The following CDK5RAP2 variants were observed in gnomAD, a reference collection of about 807,000 sequenced individuals.
CDK5RAP2 encodes CDK5 regulatory subunit-associated protein 2.
In CDK5RAP2, 147 loss-of-function variants were observed where a neutral mutation model predicts 232.9. The observed-to-expected ratio is 0.63, with a 90% confidence interval of 0.55 to 0.72. The LOEUF is 0.72. CDK5RAP2 is among the 30% of genes least tolerant of loss of function. The pLI, the probability that CDK5RAP2 is intolerant of heterozygous loss-of-function variation, is 0.00. For missense variants in CDK5RAP2, 2,195 were observed against 2,231.5 expected, an observed-to-expected ratio of 0.98 and a Z score of 0.33; for synonymous variants, 833 against 833.7, an observed-to-expected ratio of 1.00 and a Z score of 0.01.
At chr9:120,521,629 A>ATTAAACCTCTTTTTCTTTTT (rs2040659865) in intron 11 of CDK5RAP2, among the ~76,000 whole-genome samples, 1 of 148,786 alleles carries the variant, frequency 6.7e-6, no homozygotes, top group Non-Finnish European at 1.5e-5. Context: ...TTGTGAGTCC[A>ATTAAACCTCTTTTTCTTTTT]TTAAACCTCT....
chr9:120,504,667 C>T (rs745893147), intron 12 of CDK5RAP2, among the ~76,000 whole-genome samples: 2 of 152,222 alleles, frequency 1.3e-5, no homozygotes, highest in Non-Finnish European at 2.9e-5. Context: ...TCCAAGTTAA[C>T]TGCAGAATGA....
chr9:120,571,858 G>A (rs2042866522), intron 2 of CDK5RAP2, 116 bp downstream of exon 2: 4 of 784,198 alleles, frequency 5.1e-6, no homozygotes, highest in African/African-American at 3.4e-5. Context: ...CACCTACGGT[G>A]TGCCAGTTCA....
intron 12 of CDK5RAP2, among the ~76,000 whole-genome samples, chr9:120,515,824 A>ACC (rs1488579749): frequency 6.6e-6 from 1 of 152,204 alleles, no homozygotes; most frequent in Admixed American, 6.5e-5. Flanking sequence ...ATGAGATACC[A>ACC]CCTCACACCA....
intron 3 of CDK5RAP2, among the ~76,000 whole-genome samples, chr9:120,561,358 G>T (rs12235762): frequency 0.11 from 17,359 of 151,994 alleles, 1,347 homozygotes; most frequent in East Asian, 0.29. Context: ...GTGCAGTGGC[G>T]CATTCATGGC....
In CDK5RAP2 at chr9:120,524,935, A is replaced by C. The variant is rs754376586; in HGVS notation, c.1092+51T>G. On this transcript the variant is annotated intron_variant, in intron 11 of 37. Coordinates refer to ENST00000349780, the MANE Select transcript of CDK5RAP2 (RefSeq NM_018249.6). ...CTTTCAGCTGCAAAGTCCTCACCTC[A>C]CCAGGGGTCAGGATCAAAGAGACAG... is the stretch of plus-strand genomic sequence containing the variant. 3.8e-6 allele frequency: 5 copies of C among 1,322,648 alleles called. No homozygotes were observed. The African/African-American group carries it at 7.2e-5, about 19-fold the overall frequency. The allele number at this position is 1,322,648 out of a possible 1,614,324, so 81.9% of individuals were successfully genotyped here.
chr9:120,579,812 C>T, intron 1 of CDK5RAP2, 108 bp downstream of exon 1: 2 of 873,076 alleles, frequency 2.3e-6, no homozygotes, highest in Non-Finnish European at 3.8e-6. Context: ...CCACACACTG[C>T]CCCTGGCCAG....
At chr9:120,441,513 G>C (rs1403932240) in intron 23 of CDK5RAP2, among the ~76,000 whole-genome samples, 1 of 152,210 alleles carries the variant, frequency 6.6e-6, no homozygotes, top group East Asian at 1.9e-4. Flanking sequence ...AAGATAGAAG[G>C]AGATGCCCTT....
intron 7 of CDK5RAP2, among the ~76,000 whole-genome samples, chr9:120,531,519 C>G (rs1022677088): frequency 6.6e-6 from 1 of 152,126 alleles, no homozygotes. Flanking sequence ...ATAGGGGTGA[C>G]TTGTGATTGT....
intron 19 of CDK5RAP2, 92 bp downstream of exon 19, chr9:120,460,480 C>T: frequency 1.7e-6 from 2 of 1,193,034 alleles, no homozygotes; most frequent in Non-Finnish European, 2.5e-6. Flanking sequence ...GCAGAATGAA[C>T]AGAAAACCCA....
At chr9:120,559,786 T>C (rs1420134624) in intron 3 of CDK5RAP2, among the ~76,000 whole-genome samples, 4 of 152,162 alleles carry the variant, frequency 2.6e-5, no homozygotes, top group Non-Finnish European at 4.4e-5. Context: ...CATCTCAACA[T>C]GACTACAGGG....
chr9:120,542,546 C>T (rs923667954), intron 5 of CDK5RAP2, among the ~76,000 whole-genome samples: 1 of 150,736 alleles, frequency 6.6e-6, no homozygotes, highest in East Asian at 1.9e-4. Flanking sequence ...ATGGTAGATA[C>T]TGTCATTGAA....
intron 12 of CDK5RAP2, among the ~76,000 whole-genome samples, chr9:120,506,779 G>A (rs973106626): frequency 2.0e-5 from 3 of 152,112 alleles, no homozygotes; most frequent in East Asian, 1.9e-4. Flanking sequence ...GAACAGATAC[G>A]GAATTACTTC....
chr9:120,436,649 G>A lies in CDK5RAP2; in HGVS notation c.3955+646C>T, dbSNP rs575247074. Among the ~76,000 whole-genome samples, 15 of 152,240 alleles carry A rather than the reference G, an allele frequency of 9.9e-5. No homozygotes were observed. In the East Asian group the frequency reaches 2.9e-3, roughly 29 times the overall value. The stretch of plus-strand genomic sequence containing the variant: ...CATCAATCCACTCTCATAGAGCTCA[G>A]AAAGATAATAATAGAGCGCGTGTGT... On this transcript the variant is annotated intron_variant, in intron 25 of 37. Coordinates refer to ENST00000349780, the MANE Select transcript of CDK5RAP2 (RefSeq NM_018249.6).
chr9:120,528,873 C>T (rs1055327946), intron 8 of CDK5RAP2, 76 bp from the exon 9 acceptor site: 19 of 1,031,190 alleles, frequency 1.8e-5, no homozygotes, highest in Non-Finnish European at 2.1e-5. Flanking sequence ...AGAATGAGCA[C>T]GTCCTTGTCG....
chr9:120,518,605 G>A lies in CDK5RAP2; in HGVS notation c.1133C>T (p.Ala378Val). 6.2e-7 allele frequency: 1 copy of A among 1,613,676 alleles called. No individual in the cohort carries two copies. The change falls in exon 12 of 38, where the codon GCC becomes GTC. Residue 378 changes from alanine to valine, a missense_variant. Ala to Val is a moderately conservative substitution (Grantham distance 64). Coordinates refer to ENST00000349780, the MANE Select transcript of CDK5RAP2 (RefSeq NM_018249.6). The part of the protein sequence containing the change: ...DYETALSGKE[A>V]LSAALRSQNL... ...TTGTGAGCGCAGCGCAGCCGAAAGG[G>A]CTTCCTTTCCTGATAGAGCAGTCTC... is the stretch of plus-strand genomic sequence containing the variant.
chr9:120,470,255 G>A, intron 16 of CDK5RAP2, 35 bp from the exon 17 acceptor site: 1 of 1,049,526 alleles, frequency 9.5e-7, no homozygotes. Flanking sequence ...GTGGGGAGGG[G>A]GAGGAGAAAA....
chr9:120,515,220 G>A (rs1564323353), intron 12 of CDK5RAP2, among the ~76,000 whole-genome samples: 3 of 152,068 alleles, frequency 2.0e-5, no homozygotes, highest in East Asian at 3.9e-4. Flanking sequence ...TACAAGAATT[G>A]ACTATGAAAC....
At chr9:120,455,391 C>T (rs1253774043) in intron 20 of CDK5RAP2, among the ~76,000 whole-genome samples, 1 of 132,606 alleles carries the variant, frequency 7.5e-6, no homozygotes, top group African/African-American at 2.9e-5. Context: ...AAAAAAAAAA[C>T]GAAGGCCACT....
intron 16 of CDK5RAP2, 25 bp from the exon 17 acceptor site, chr9:120,470,245 G>A (rs1588423954): frequency 8.7e-7 from 1 of 1,144,466 alleles, no homozygotes; most frequent in Non-Finnish European, 1.3e-6. Context: ...AAAAAAAAAG[G>A]TGGGGAGGGG....
Sources: allele counts gnomAD v4.1 joint callset (sites outside exome capture counted in the v4.1 genomes callset), GRCh38; gene constraint gnomAD v4.1.1; transcripts MANE v1.5; gene names NCBI Gene and HGNC (gene_info 2026-07-23, HGNC 2026-07-21).